The following GALNT16 variants were observed in gnomAD, a reference collection of about 807,000 sequenced individuals.
GALNT16 encodes the protein UDP-GalNAc:polypeptide N-acetylgalactosaminyltransferase-like protein 1.
In GALNT16, 40 loss-of-function variants were observed where a neutral mutation model predicts 76.1. The observed-to-expected ratio is 0.53, with a 90% CI of 0.41 to 0.68. The LOEUF is 0.68. GALNT16 is among the 30% of genes least tolerant of loss of function. GALNT16 has a pLI of 0.00. For synonymous variants in GALNT16, 276 were observed against 285.2 expected, an observed-to-expected ratio of 0.97 and a Z score of 0.32; for missense variants, 621 against 731.9, an observed-to-expected ratio of 0.85 and a Z score of 1.75.
intron 3 of GALNT16, among the ~76,000 whole-genome samples, 172 bp from the exon 4 acceptor site, chr14:69,325,165 C>T (rs546974972): frequency 4.6e-5 from 7 of 152,268 alleles, no homozygotes; most frequent in Admixed American, 1.3e-4. Flanking sequence ...AAGTTGAACT[C>T]CCATCTCCCC....
At chr14:69,307,568 A>G (rs909259891) in intron 1 of GALNT16, among the ~76,000 whole-genome samples, 2 of 152,022 alleles carry the variant, frequency 1.3e-5, no homozygotes, top group African/African-American at 4.8e-5. Flanking sequence ...AGGCAGTACC[A>G]TTACCTCCTT....
rs202003170 is a variant in GALNT16 at position 69,347,131 on chromosome 14, C to T, written c.1363C>T (p.Leu455Phe). ...QGQNTAGDFL[L>F]GMGICRGSAK... is the part of the protein sequence containing the mutation. ...CCAGAACACAGCTGGTGACTTCCTG[C>T]TTGGAATGGGGATCTGCAGAGGGTC... The change falls in exon 13 of 15, where the codon CTT becomes TTT. Residue 455 changes from leucine to phenylalanine, a missense_variant. By Grantham distance (22) the Leu-to-Phe change is conservative (BLOSUM62 0). Transcript: ENST00000448469. The T allele has an allele frequency of 2.5e-6, 4 of 1,613,732 alleles. No individual in the cohort carries two copies. In the East Asian group the frequency reaches 6.7e-5, roughly 27 times the overall value.
At chr14:69,349,330 A>G (rs942950205) in intron 14 of GALNT16, 12 of 152,028 alleles carry the variant, frequency 7.9e-5, no homozygotes, top group Admixed American at 3.3e-4. Flanking sequence ...CCTCCACTCA[A>G]TTGCCCCTCT....
rs1295316552 is a variant in GALNT16 at position 69,260,198 on chromosome 14, G to A, written c.-93G>A. On this transcript the variant is annotated 5_prime_UTR_variant, in exon 1 of 15. Transcript: ENST00000448469. ...TGCAGGACTGAGCAGCTAGGCGCGA[G>A]CGAAAACAAACAGCTGGGGCTGCGA... 1.4e-6 allele frequency: 1 copy of A among 691,616 alleles called. No homozygotes were observed. Among genetic ancestry groups the A allele is most frequent in the South Asian group, 1.4e-5 (1 of 69,848 alleles). 42.8% of individuals were successfully genotyped at this position (691,616 alleles called of 1,614,324 possible). A position where few individuals can be genotyped will look rare whatever the true frequency, so the allele number is the denominator to read the frequency against.
intron 7 of GALNT16, among the ~76,000 whole-genome samples, chr14:69,332,826 C>CTTTTTTTTTTTT (rs763996589): frequency 1.7e-5 from 2 of 116,004 alleles, no homozygotes; most frequent in African/African-American, 2.9e-5. Flanking sequence ...TTGTTTTCTT[C>CTTTTTTTTTTTT]TTTTTTTTTT....
chr14:69,371,239 A>G, the GALNT16 span, among the ~76,000 whole-genome samples: 2 of 151,850 alleles, frequency 1.3e-5, no homozygotes, highest in East Asian at 1.9e-4. Flanking sequence ...TTCTGGTAGT[A>G]TTGTATTAAT....
chr14:69,291,624 G>A (rs959944982), intron 1 of GALNT16, among the ~76,000 whole-genome samples: 22 of 152,212 alleles, frequency 1.4e-4, no homozygotes, highest in Non-Finnish European at 1.3e-4. Context: ...CCAGGCACAG[G>A]CACTCAGGAG....
intron 1 of GALNT16, among the ~76,000 whole-genome samples, chr14:69,271,965 A>G (rs1014922077): frequency 6.6e-6 from 1 of 152,204 alleles, no homozygotes; most frequent in African/African-American, 2.4e-5. Flanking sequence ...GTTTCTTTTT[A>G]TTTAATGTGG....
At chr14:69,346,900 C>T in intron 12 of GALNT16, 140 bp from the exon 13 acceptor site, 1 of 947,268 alleles carries the variant, frequency 1.1e-6, no homozygotes, top group South Asian at 1.4e-5. Context: ...TCACCTCCCC[C>T]TGCTGGCCAG....
At chr14:69,375,647 T>A in the GALNT16 span, among the ~76,000 whole-genome samples, 1 of 152,196 alleles carries the variant, frequency 6.6e-6, no homozygotes, top group African/African-American at 2.4e-5. Flanking sequence ...AATAGAGATC[T>A]TTATTTTATT....
intron 9 of GALNT16, among the ~76,000 whole-genome samples, chr14:69,337,360 A>G (rs2140186133): frequency 6.6e-6 from 1 of 152,364 alleles, no homozygotes; most frequent in East Asian, 1.9e-4. Flanking sequence ...TTGGATAGAA[A>G]GAGCATGGCA....
At chr14:69,259,955 C>T (rs2044237356), upstream of GALNT16, 1 of 199,066 alleles carries the variant, frequency 5.0e-6, no homozygotes, top group Non-Finnish European at 1.0e-5. Flanking sequence ...AAGGCCCGCG[C>T]CGCTTCCCAC....
chr14:69,293,726 A>G (rs2044716389), intron 1 of GALNT16, among the ~76,000 whole-genome samples: 1 of 152,132 alleles, frequency 6.6e-6, no homozygotes, highest in South Asian at 2.1e-4. Flanking sequence ...GAGAGTTGTG[A>G]GGCTTAAGCG....
chr14:69,347,224 G>A lies in GALNT16; in HGVS notation c.1413+43G>A, dbSNP rs985011365. The A allele has an allele frequency of 6.5e-6, 10 of 1,543,944 alleles. No individual in the cohort carries two copies. In the Admixed American group the frequency reaches 1.3e-4, roughly 20 times the overall value. Reference sequence around the variant, plus strand: ...GAATGGGAGTGGGAGAGAGCTGGAGGCATTGTCCAGGAGTGGGGTGAGGGA... The same window carrying A: ...GAATGGGAGTGGGAGAGAGCTGGAGACATTGTCCAGGAGTGGGGTGAGGGA... On this transcript the variant is annotated intron_variant, in intron 13 of 14. Coordinates refer to ENST00000448469, the MANE Select transcript of GALNT16 (RefSeq NM_001168368.2).
Position 69,328,569 on chromosome 14 carries a change from G to C in GALNT16, c.688G>C (p.Glu230Gln), listed in dbSNP as rs764032316. 6.2e-7 allele frequency: 1 copy of C among 1,612,400 alleles called. No individual in the cohort carries two copies. Among genetic ancestry groups the C allele is most frequent in the East Asian group, 2.2e-5 (1 of 44,876 alleles). Residue 230 changes from glutamate (E) to glutamine (Q), a missense_variant and splice_region_variant, in exon 6 of 15, where the codon GAG (glutamate) becomes CAG (glutamine). Glu to Gln is a conservative substitution (Grantham distance 29). Coordinates refer to ENST00000448469, the MANE Select transcript of GALNT16 (RefSeq NM_001168368.2). ...GCCGCCCATGCTGCAGCGGGTGAAG[G>C]AGGTGAGCCACTGTCTCTGGGGAGC... Reference protein sequence around the residue: ...WLPPMLQRVKEDHTRVVSPII... With the variant: ...WLPPMLQRVKQDHTRVVSPII...
At chr14:69,293,261 C>T (rs533208015) in intron 1 of GALNT16, among the ~76,000 whole-genome samples, 1 of 152,176 alleles carries the variant, frequency 6.6e-6, no homozygotes, top group South Asian at 2.1e-4. Context: ...AACCCAGATG[C>T]GGTAGGAACT....
At chr14:69,278,940 T>G (rs867978166) in intron 1 of GALNT16, among the ~76,000 whole-genome samples, 15 of 152,188 alleles carry the variant, frequency 9.9e-5, no homozygotes, top group Middle Eastern at 3.4e-3. Flanking sequence ...TAATTTTTTT[T>G]TTTTTTTTGA....
At chr14:69,317,461 T>C (rs55735640) in intron 1 of GALNT16, among the ~76,000 whole-genome samples, 21,263 of 152,248 alleles carry the variant, frequency 0.14, 1,617 homozygotes, top group African/African-American at 0.18. Context: ...GGATGGGGCA[T>C]GAAAGGGACC....
Position 69,347,108 on chromosome 14 carries a change from A to C in GALNT16, c.1340A>C (p.Gln447Pro). 6.2e-7 allele frequency: 1 copy of C among 1,614,018 alleles called. No individual in the cohort carries two copies. Among genetic ancestry groups the C allele is most frequent in the Non-Finnish European group, 8.5e-7 (1 of 1,179,910 alleles). Residue 447 changes from glutamine (Q) to proline (P), a missense_variant, in exon 13 of 15, where the codon CAG (glutamine) becomes CCG (proline). Physicochemically the swap from Gln to Pro is moderately conservative, Grantham distance 76. Transcript: ENST00000448469. ...QGVNCLESQG[Q>P]NTAGDFLLGM... ...GTGAACTGCTTAGAATCTCAGGGCC[A>C]GAACACAGCTGGTGACTTCCTGCTT...
Sources: allele counts gnomAD v4.1 joint callset (sites outside exome capture counted in the v4.1 genomes callset), GRCh38; gene constraint gnomAD v4.1.1; transcripts MANE v1.5; gene names NCBI Gene and HGNC (gene_info 2026-07-23, HGNC 2026-07-21).